Variants in TRAPPC9 observed in about 807,000 individuals in gnomAD.
The protein encoded by TRAPPC9 is trafficking protein particle complex subunit 9.
In TRAPPC9, 83 loss-of-function variants were observed where a neutral mutation model predicts 124.0. The observed-to-expected ratio is 0.67, with a 90% confidence interval of 0.56 to 0.80. The LOEUF is 0.80. Among genes scored for constraint, TRAPPC9 ranks in the 30% least tolerant of loss-of-function variants. The probability of loss-of-function intolerance (pLI) is 0.00; values close to 1 mark genes in which losing one functional copy is unlikely to be tolerated. For missense variants in TRAPPC9, 1,302 were observed against 1,508.3 expected (o/e 0.86, Z 2.27); for synonymous variants, 638 against 617.5 (o/e 1.03, Z -0.49).
chr8:140,431,489 T>C (rs1308741467), intron 4 of TRAPPC9, among the ~76,000 whole-genome samples: 1 of 152,092 alleles, frequency 6.6e-6, no homozygotes. Flanking sequence ...ACCTCAAATA[T>C]TTCCTTCATT....
At chr8:139,925,825 A>ACG (rs765917875) in intron 19 of TRAPPC9, among the ~76,000 whole-genome samples, 16 of 39,408 alleles carry the variant, frequency 4.1e-4, no homozygotes, top group Admixed American at 1.1e-3. Context: ...GCACACGCAC[A>ACG]CGCACACACA....
chr8:139,879,625 G>A (rs112623400), intron 21 of TRAPPC9, among the ~76,000 whole-genome samples: 103 of 152,278 alleles, frequency 6.8e-4, no homozygotes, highest in African/African-American at 2.4e-3. Flanking sequence ...AGGCTGCTCC[G>A]GCCCCCGCAG....
At chr8:140,239,441 G>GT (rs1448902237) in intron 16 of TRAPPC9, among the ~76,000 whole-genome samples, 1 of 152,202 alleles carries the variant, frequency 6.6e-6, no homozygotes, top group East Asian at 1.9e-4. Context: ...AAAAGCAAGA[G>GT]TATTGGGGGA....
chr8:140,062,700 TG>T (rs1258401763), intron 17 of TRAPPC9, among the ~76,000 whole-genome samples: 2 of 152,170 alleles, frequency 1.3e-5, no homozygotes, highest in Non-Finnish European at 2.9e-5. Context: ...TGAGCTCCTA[TG>T]GGGAGCACAA....
At chr8:139,752,661 C>T (rs768289425) in intron 21 of TRAPPC9, among the ~76,000 whole-genome samples, 1 of 151,600 alleles carries the variant, frequency 6.6e-6, no homozygotes, top group African/African-American at 2.4e-5. Flanking sequence ...TCCACCATTC[C>T]TCCATTCACT....
chr8:140,066,613 C>T (rs1437384125), intron 17 of TRAPPC9, among the ~76,000 whole-genome samples: 8 of 152,292 alleles, frequency 5.3e-5, no homozygotes, highest in South Asian at 4.1e-4. Context: ...TTTGTAAATA[C>T]GTCAATGTAA....
At chr8:139,829,360 G>A (rs891000117) in intron 21 of TRAPPC9, among the ~76,000 whole-genome samples, 14 of 152,202 alleles carry the variant, frequency 9.2e-5, no homozygotes, top group African/African-American at 2.9e-4. Context: ...TCAAATATTC[G>A]CCCAAGCTCA....
At chr8:140,083,819 A>C (rs1011050174) in intron 17 of TRAPPC9, among the ~76,000 whole-genome samples, 10 of 152,102 alleles carry the variant, frequency 6.6e-5, no homozygotes, top group African/African-American at 2.4e-4. Context: ...GGCACGGGCC[A>C]CCACATCCAG....
At chr8:140,421,467 G>C (rs999061598) in intron 5 of TRAPPC9, among the ~76,000 whole-genome samples, 6 of 152,082 alleles carry the variant, frequency 3.9e-5, no homozygotes, top group Non-Finnish European at 8.8e-5. Flanking sequence ...GTATGTTTTT[G>C]TTTTCTGGAA....
intron 18 of TRAPPC9, among the ~76,000 whole-genome samples, chr8:139,996,190 A>G: frequency 7.0e-6 from 1 of 143,620 alleles, no homozygotes; most frequent in Non-Finnish European, 1.5e-5. Flanking sequence ...AAAGAAAGGA[A>G]AGAAAAAAAG....
chr8:140,409,871 TCACACCTATAAC>T (rs1403770541), intron 5 of TRAPPC9, among the ~76,000 whole-genome samples: 1 of 152,152 alleles, frequency 6.6e-6, no homozygotes, highest in Non-Finnish European at 1.5e-5. Flanking sequence ...GCGCAGTGGC[TCACACCTATAAC>T]CCCAGCACTT....
intron 21 of TRAPPC9, among the ~76,000 whole-genome samples, chr8:139,734,400 G>A (rs944982053): frequency 9.2e-5 from 14 of 152,318 alleles, no homozygotes; most frequent in Admixed American, 2.6e-4. Context: ...AATGTGGCTC[G>A]TGTCCACTGT....
At chr8:140,382,438 C>G (rs2068635821) in intron 7 of TRAPPC9, among the ~76,000 whole-genome samples, 1 of 152,240 alleles carries the variant, frequency 6.6e-6, no homozygotes, top group African/African-American at 2.4e-5. Context: ...GTCACTCCCA[C>G]CCTAACACTG....
At chr8:140,246,162 C>A (rs755998711) in intron 16 of TRAPPC9, among the ~76,000 whole-genome samples, 5 of 152,244 alleles carry the variant, frequency 3.3e-5, no homozygotes, top group Non-Finnish European at 5.9e-5. Context: ...CAGTTCGCAT[C>A]TTTACTGATG....
intron 19 of TRAPPC9, among the ~76,000 whole-genome samples, chr8:139,944,129 C>G (rs1834072176): frequency 6.6e-6 from 1 of 152,114 alleles, no homozygotes; most frequent in Non-Finnish European, 1.5e-5. Flanking sequence ...ATGAAAATAT[C>G]CCTCAGAAAT....
chr8:140,457,661 G>A lies in TRAPPC9; in HGVS notation c.-33C>T, dbSNP rs1417894543. On this transcript the variant is annotated 5_prime_UTR_variant, in exon 1 of 23. Coordinates refer to ENST00000438773, the MANE Select transcript of TRAPPC9 (RefSeq NM_001160372.4). ...TACACAGCCGGTGGCCCCGGGCCCG[G>A]AGCGGGAGCCCACGACCTGGCGGGC... 8.1e-6 allele frequency: 8 copies of A among 986,458 alleles called. No individual in the cohort carries two copies. The highest frequency in any genetic ancestry group is 1.7e-5 in the African/African-American group (1 of 57,252). 61.1% of individuals were successfully genotyped at this position (986,458 alleles called of 1,614,324 possible).
intron 19 of TRAPPC9, among the ~76,000 whole-genome samples, chr8:139,938,802 C>T (rs35277211): frequency 0.027 from 4,015 of 150,112 alleles, 66 homozygotes; most frequent in South Asian, 0.046. Context: ...CCCGCCACCA[C>T]GCCCGGCTAA....
intron 4 of TRAPPC9, among the ~76,000 whole-genome samples, chr8:140,428,944 A>G (rs924769699): frequency 2.6e-5 from 4 of 152,160 alleles, no homozygotes; most frequent in African/African-American, 4.8e-5. Flanking sequence ...CCCTTTCCAC[A>G]CTGGCCAACC....
chr8:140,128,252 G>T (rs979229719), intron 17 of TRAPPC9, among the ~76,000 whole-genome samples: 5 of 152,204 alleles, frequency 3.3e-5, no homozygotes, highest in African/African-American at 9.6e-5. Context: ...GCCCAAGTGT[G>T]GTTTCATTTA....
Sources: allele counts gnomAD v4.1 joint callset (sites outside exome capture counted in the v4.1 genomes callset), GRCh38; gene constraint gnomAD v4.1.1; transcripts MANE v1.5; gene names NCBI Gene and HGNC (gene_info 2026-07-23, HGNC 2026-07-21).